SMAD3: variants seen among roughly 807,000 people sequenced by gnomAD.
SMAD3 encodes the protein MAD homolog 3.
In SMAD3, 12 loss-of-function variants were observed where a neutral mutation model predicts 51.8. The observed-to-expected ratio is 0.23, with a 90% CI of 0.15 to 0.38. The LOEUF (loss-of-function observed/expected upper bound fraction) is 0.38. SMAD3 is among the 10% of genes least tolerant of loss of function. SMAD3 has a pLI of 1.00. For missense variants in SMAD3, 294 were observed against 565.6 expected, an observed-to-expected ratio of 0.52 and a Z score of 4.87; for synonymous variants, 238 against 227.7, an observed-to-expected ratio of 1.05 and a Z score of -0.41.
In SMAD3 at chr15:67,142,027, A is replaced by G. The variant is rs139312902; in HGVS notation, c.207-22868A>G. ...CAAACCTCACAGGCTTGTTCAGTCA[A>G]CAAAGGCACAGAGAGCTTAAGTCAC... On this transcript the variant is annotated intron_variant, in intron 1 of 8. Coordinates refer to ENST00000327367, the MANE Select transcript of SMAD3 (RefSeq NM_005902.4). Among the ~76,000 whole-genome samples, 458 of 152,274 alleles carry G rather than the reference A, an allele frequency of 3.0e-3. 1 individual carries two copies. The highest frequency in any genetic ancestry group is 0.011 in the African/African-American group (438 of 41,546).
chr15:67,072,947 C>T (rs755581502), intron 1 of SMAD3, among the ~76,000 whole-genome samples: 22 of 152,124 alleles, frequency 1.4e-4, no homozygotes, highest in African/African-American at 2.9e-4. Context: ...CCTTTAATGC[C>T]GTACCAGGTG....
intron 8 of SMAD3, 43 bp downstream of exon 8, chr15:67,187,552 G>T (rs1295596611): frequency 3.7e-6 from 6 of 1,611,576 alleles, no homozygotes; most frequent in South Asian, 1.1e-5. Flanking sequence ...CCAACTCCAG[G>T]TGACTCTGGA....
chr15:67,155,155 GTGAGT>G (rs1365807255), intron 1 of SMAD3, among the ~76,000 whole-genome samples: 2 of 152,238 alleles, frequency 1.3e-5, no homozygotes, highest in African/African-American at 2.4e-5. Flanking sequence ...GTTCTCCAAA[GTGAGT>G]TTTCAGGCAG....
In SMAD3 at chr15:67,181,421, A is replaced by G. The variant is rs1433790279; in HGVS notation, c.839A>G (p.Asn280Ser). Residue 280 changes from asparagine to serine, a missense_variant, in exon 6 of 9, where the codon AAT becomes AGT. Transcript: ENST00000327367. ...GGGCTGCTCTCCAATGTCAACAGGAATGCAGCAGTGGAGCTGACACGGAGA... is the reference window on the plus strand; with the variant it reads ...GGGCTGCTCTCCAATGTCAACAGGAGTGCAGCAGTGGAGCTGACACGGAGA... ...CLGLLSNVNR[N>S]AAVELTRRHI... is the part of the protein sequence containing the mutation. 1.9e-6 allele frequency: 3 copies of G among 1,613,944 alleles called. No homozygotes were observed. Among genetic ancestry groups the G allele is most frequent in the Non-Finnish European group, 2.5e-6 (3 of 1,180,026 alleles).
At chr15:67,079,346 G>C (rs1330800313) in intron 1 of SMAD3, among the ~76,000 whole-genome samples, 1 of 152,076 alleles carries the variant, frequency 6.6e-6, no homozygotes, top group Non-Finnish European at 1.5e-5. Context: ...GACAGAGATG[G>C]GAGTTAAGGC....
intron 1 of SMAD3, among the ~76,000 whole-genome samples, chr15:67,126,699 C>T (rs1961398112): frequency 6.6e-6 from 1 of 152,234 alleles, no homozygotes; most frequent in African/African-American, 2.4e-5. Flanking sequence ...CGGTGGTTGG[C>T]ACACAGTAGG....
chr15:67,067,202 A>G (rs964799063), intron 1 of SMAD3, among the ~76,000 whole-genome samples: 1 of 152,052 alleles, frequency 6.6e-6, no homozygotes, highest in Non-Finnish European at 1.5e-5. Context: ...CGGCCCTCGC[A>G]TTCCTGTAGA....
Position 67,188,675 on chromosome 15 carries a change from G to A in SMAD3, c.1154+1166G>A, listed in dbSNP as rs566177570. 3.3e-5 allele frequency among the ~76,000 whole-genome samples: 5 copies of A among 152,354 alleles called. No individual in the cohort carries two copies. The South Asian group carries it at 1.0e-3, about 32-fold the overall frequency. ...GGTGCCCACATGTCAGCTAGAGCCA[G>A]CGCCTTGCAAGCTACTCTCCCTTTC... On this transcript the variant is annotated intron_variant, in intron 8 of 8. Coordinates refer to ENST00000327367, the MANE Select transcript of SMAD3 (RefSeq NM_005902.4).
intron 1 of SMAD3, among the ~76,000 whole-genome samples, chr15:67,067,970 T>C (rs958575936): frequency 6.6e-6 from 1 of 152,178 alleles, no homozygotes; most frequent in African/African-American, 2.4e-5. Context: ...CTTCTCCTTA[T>C]CTGCCTGGGT....
At position 67,067,160 on chromosome 15, in the gene SMAD3, T is replaced by A. The variant is rs1158104784; in HGVS notation, c.206+800T>A. On this transcript the variant is annotated intron_variant, in intron 1 of 8. Transcript: ENST00000327367. ...GAGGGGCAGGCTGCAGCCGGGCAGA[T>A]AACAAAACACACCCCAAAGTGGGCC... 6.7e-5 allele frequency among the ~76,000 whole-genome samples: 10 copies of A among 149,002 alleles called. No individual in the cohort carries two copies. The Admixed American group carries it at 6.8e-4, about 10-fold the overall frequency.
At chr15:67,083,668 C>T (rs1292349163) in intron 1 of SMAD3, among the ~76,000 whole-genome samples, 1 of 152,182 alleles carries the variant, frequency 6.6e-6, no homozygotes, top group African/African-American at 2.4e-5. Flanking sequence ...TCTTCCAGAT[C>T]TGCAGTTCTC....
At position 67,084,371 on chromosome 15, in the gene SMAD3, G is replaced by A. The variant is rs188481237; in HGVS notation, c.206+18011G>A. 2.2e-3 allele frequency among the ~76,000 whole-genome samples: 336 copies of A among 151,970 alleles called. 1 individual carries two copies. Among genetic ancestry groups the A allele is most frequent in the African/African-American group, 6.2e-3 (255 of 41,404 alleles). On this transcript the variant is annotated intron_variant, in intron 1 of 8. Transcript: ENST00000327367. ...GCTGGGATTACAGGCATGAGCCACC[G>A]TGCCTGGCCAGTCTCAGATTTTCAT...
intron 1 of SMAD3, among the ~76,000 whole-genome samples, chr15:67,080,229 A>C (rs1436749975): frequency 5.3e-5 from 8 of 152,238 alleles, no homozygotes; most frequent in Non-Finnish European, 1.2e-4. Context: ...TCTAAGTGAA[A>C]GGACTTGCCC....
intron 1 of SMAD3, chr15:67,142,873 C>G: frequency 2.2e-6 from 1 of 454,648 alleles, no homozygotes; most frequent in East Asian, 7.0e-5. Flanking sequence ...GGGACATGAT[C>G]CCATGTGCAG....
At chr15:67,189,444 C>T (rs1216250085) in intron 8 of SMAD3, among the ~76,000 whole-genome samples, 2 of 152,218 alleles carry the variant, frequency 1.3e-5, no homozygotes, top group Non-Finnish European at 2.9e-5. Flanking sequence ...AGAGCCTTTC[C>T]CTGGGGACAC....
chr15:67,105,121 A>C (rs1210734816), intron 1 of SMAD3, among the ~76,000 whole-genome samples: 1 of 152,222 alleles, frequency 6.6e-6, no homozygotes, highest in Non-Finnish European at 1.5e-5. Context: ...CCAAAGAAAG[A>C]TCCCTGGCCT....
rs57462811 is a variant in SMAD3 at position 67,147,171 on chromosome 15, G to C, written c.207-17724G>C. On this transcript the variant is annotated intron_variant, in intron 1 of 8. Coordinates refer to ENST00000327367, the MANE Select transcript of SMAD3 (RefSeq NM_005902.4). ...CTGAGAGTAGAGGAGGGAAGAGAGA[G>C]AGAGAGCCAGAACTGTTTACAGAGC... 3.9e-5 allele frequency among the ~76,000 whole-genome samples: 6 copies of C among 152,304 alleles called. No individual in the cohort carries two copies. The South Asian group carries it at 1.2e-3, about 32-fold the overall frequency.
intron 1 of SMAD3, among the ~76,000 whole-genome samples, chr15:67,131,562 AG>A (rs1488641479): frequency 3.3e-5 from 5 of 152,220 alleles, no homozygotes; most frequent in African/African-American, 1.2e-4. Flanking sequence ...AGTTTGCTCC[AG>A]GGATTCCTCC....
intron 1 of SMAD3, among the ~76,000 whole-genome samples, chr15:67,135,263 T>G (rs1338259518): frequency 6.6e-6 from 1 of 152,140 alleles, no homozygotes; most frequent in African/African-American, 2.4e-5. Context: ...TAAGCTCCAG[T>G]GAGCTCTTCT....
Sources: allele counts gnomAD v4.1 joint callset (sites outside exome capture counted in the v4.1 genomes callset), GRCh38; gene constraint gnomAD v4.1.1; transcripts MANE v1.5; gene names NCBI Gene and HGNC (gene_info 2026-07-23, HGNC 2026-07-21).